Variants in RC3H2 observed in about 807,000 individuals in gnomAD.
RC3H2 encodes ring finger and CCCH-type domains 2.
A neutral mutation model predicts 133.3 loss-of-function variants in RC3H2; 31 were observed. That is an observed-to-expected ratio of 0.23 (90% CI 0.17 to 0.31). RC3H2 has a LOEUF of 0.31. Among genes scored for constraint, RC3H2 ranks in the 10% least tolerant of loss-of-function variants. RC3H2 has a pLI of 1.00. For missense variants in RC3H2, 1,175 were observed against 1,437.2 expected, an observed-to-expected ratio of 0.82 and a Z score of 2.95; for synonymous variants, 517 against 502.2, an observed-to-expected ratio of 1.03 and a Z score of -0.40.
At chr9:122,873,479 G>A (rs1831190615) in intron 9 of RC3H2, among the ~76,000 whole-genome samples, 1 of 152,142 alleles carries the variant, frequency 6.6e-6, no homozygotes, top group Non-Finnish European at 1.5e-5. Flanking sequence ...TTGGGAGGCT[G>A]AGGTGGGCAG....
At chr9:122,901,568 T>C (rs1220677965) in intron 1 of RC3H2, among the ~76,000 whole-genome samples, 1 of 151,514 alleles carries the variant, frequency 6.6e-6, no homozygotes, top group Non-Finnish European at 1.5e-5. Context: ...AAATATTAGA[T>C]ATAACTTCCA....
At chr9:122,869,292 A>C (rs536166076) in intron 9 of RC3H2, among the ~76,000 whole-genome samples, 1 of 151,334 alleles carries the variant, frequency 6.6e-6, no homozygotes, top group East Asian at 1.9e-4. Flanking sequence ...ATATATGCCT[A>C]AAGTAATGTT....
chr9:122,866,376 CCCCCT>C (rs1403167522), intron 9 of RC3H2, among the ~76,000 whole-genome samples: 1 of 4,370 alleles, frequency 2.3e-4, no homozygotes, highest in Non-Finnish European at 8.3e-3. Flanking sequence ...CCTCCCCCTC[CCCCCT>C]CCCTCTCCCC....
chr9:122,878,473 T>C (rs1482101439), intron 8 of RC3H2, among the ~76,000 whole-genome samples: 2 of 152,034 alleles, frequency 1.3e-5, no homozygotes, highest in Admixed American at 1.3e-4. Context: ...GGCTTCACCA[T>C]GTTAGCCAGG....
At chr9:122,899,968 A>G (rs1027365984) in intron 1 of RC3H2, among the ~76,000 whole-genome samples, 3 of 152,212 alleles carry the variant, frequency 2.0e-5, no homozygotes, top group African/African-American at 7.2e-5. Context: ...TTTATATTAA[A>G]GCACATAAGT....
chr9:122,878,207 A>G (rs954894020), intron 8 of RC3H2, among the ~76,000 whole-genome samples: 2 of 152,234 alleles, frequency 1.3e-5, no homozygotes, highest in African/African-American at 4.8e-5. Flanking sequence ...AAGAATAAGG[A>G]GAGAAGAGTA....
At chr9:122,901,185 G>C (rs1453160140) in intron 1 of RC3H2, among the ~76,000 whole-genome samples, 6 of 152,266 alleles carry the variant, frequency 3.9e-5, no homozygotes, top group Admixed American at 3.9e-4. Flanking sequence ...TAATAAAAAT[G>C]TAAACCTTAG....
At chr9:122,904,447 A>G (rs1407153402) in intron 1 of RC3H2, among the ~76,000 whole-genome samples, 1 of 152,250 alleles carries the variant, frequency 6.6e-6, no homozygotes, top group African/African-American at 2.4e-5. Flanking sequence ...GGAAACAAAG[A>G]TGCTTTCTAC....
At chr9:122,865,153 T>C (rs542689364) in intron 10 of RC3H2, among the ~76,000 whole-genome samples, 196 bp downstream of exon 10, 1 of 152,192 alleles carries the variant, frequency 6.6e-6, no homozygotes, top group South Asian at 2.1e-4. Context: ...TTTCCCACTT[T>C]CCAAGTTCAC....
intron 4 of RC3H2, among the ~76,000 whole-genome samples, chr9:122,885,005 A>G (rs1279505354): frequency 6.6e-6 from 1 of 152,210 alleles, no homozygotes; most frequent in Admixed American, 6.5e-5. Context: ...AGTGATCTTG[A>G]ACTGGATCTC....
At chr9:122,863,511 T>C (rs1830532776) in intron 10 of RC3H2, among the ~76,000 whole-genome samples, 1 of 152,210 alleles carries the variant, frequency 6.6e-6, no homozygotes, top group Admixed American at 6.5e-5. Context: ...ATTTCCCATA[T>C]TTCTCCCAGC....
intron 9 of RC3H2, among the ~76,000 whole-genome samples, chr9:122,868,717 G>C (rs1830875270): frequency 1.3e-5 from 2 of 151,140 alleles, no homozygotes; most frequent in African/African-American, 4.9e-5. Context: ...CCCTCTGTGA[G>C]AAACACCCAA....
intron 1 of RC3H2, among the ~76,000 whole-genome samples, chr9:122,898,516 G>A (rs112743935): frequency 3.9e-5 from 6 of 152,190 alleles, no homozygotes; most frequent in African/African-American, 1.2e-4. Flanking sequence ...TTGAGAGGCC[G>A]AGGTGGGAGG....
chr9:122,880,125 G>C lies in RC3H2; in HGVS notation c.961C>G (p.Leu321Val). The C allele has an allele frequency of 6.2e-7, 1 of 1,613,992 alleles. No individual in the cohort carries two copies. Among genetic ancestry groups the C allele is most frequent in the Non-Finnish European group, 8.5e-7 (1 of 1,179,900 alleles). Residue 321 changes from leucine to valine, a missense_variant and splice_region_variant, in exon 7 of 21, where the codon CTA becomes GTA. Leu to Val is a conservative substitution (Grantham distance 32). Transcript: ENST00000357244. ...KSHMQSIIDK[L>V]QSPESFAKSV... ...TTTGCAAATGACTCTGGAGACTGTA[G>C]CTAACAAACAGAAATGAGAATGCTT...
chr9:122,888,922 AC>A (rs11311173), intron 4 of RC3H2, among the ~76,000 whole-genome samples: 10,525 of 152,198 alleles, frequency 0.069, 407 homozygotes, highest in African/African-American at 0.092. Context: ...AGTCTGTACC[AC>A]TTTGCATGCC....
Position 122,858,166 on chromosome 9 carries a change from G to GTAAA in RC3H2, c.2284-77_2284-74dup, listed in dbSNP as rs1385290229. 2.9e-6 allele frequency: 4 copies of GTAAA among 1,386,352 alleles called. No homozygotes were observed. The African/African-American group carries it at 5.7e-5, about 20-fold the overall frequency. The allele number at this position is 1,386,352 out of a possible 1,614,324, so 85.9% of individuals were successfully genotyped here. On this transcript the variant is annotated intron_variant, in intron 12 of 20. Transcript: ENST00000357244. ...ATAAATTTAACTGTGTGAAAATGAT[G>GTAAA]TAAACAGTTTATGATATTGTTGGGA... is the stretch of plus-strand genomic sequence containing the variant.
intron 9 of RC3H2, chr9:122,875,133 T>C (rs1280620390): frequency 1.3e-6 from 2 of 1,503,440 alleles, no homozygotes; most frequent in Admixed American, 4.6e-5. Flanking sequence ...TAGAACTAGT[T>C]CGATTGGGTA....
intron 4 of RC3H2, among the ~76,000 whole-genome samples, chr9:122,885,299 G>A (rs996979986): frequency 1.3e-5 from 2 of 151,928 alleles, no homozygotes; most frequent in South Asian, 2.1e-4. Context: ...GCTGAATGTC[G>A]GTAAAGAATA....
intron 9 of RC3H2, among the ~76,000 whole-genome samples, chr9:122,870,591 C>G (rs1271606682): frequency 1.3e-5 from 2 of 152,168 alleles, no homozygotes; most frequent in Non-Finnish European, 2.9e-5. Flanking sequence ...CAGCTAAAGG[C>G]TGCCTTTTCA....
Sources: gnomAD v4.1 joint callset for allele counts (sites outside exome capture counted in the v4.1 genomes callset) on GRCh38, gnomAD v4.1.1 for gene constraint, MANE v1.5 for transcripts, NCBI Gene and HGNC (gene_info 2026-07-23, HGNC 2026-07-21) for gene names.